CLNK: variants seen among roughly 807,000 people sequenced by gnomAD.
CLNK encodes cytokine dependent hematopoietic cell linker.
Under a neutral mutation model 68.6 loss-of-function variants are expected in CLNK, and 74 were observed. The observed-to-expected ratio is 1.08, with a 90% confidence interval of 0.89 to 1.31. The LOEUF (loss-of-function observed/expected upper bound fraction) is 1.31. Among genes scored for constraint, CLNK ranks in the 50% most tolerant of loss-of-function variants. The pLI is 0.00. For synonymous variants in CLNK, 198 were observed against 172.2 expected (o/e 1.15, Z -1.17); for missense variants, 553 against 515.3 (o/e 1.07, Z -0.71).
chr4:10,658,794 T>C (rs1724080133), intron 2 of CLNK, among the ~76,000 whole-genome samples: 1 of 152,188 alleles, frequency 6.6e-6, no homozygotes, highest in Non-Finnish European at 1.5e-5. Flanking sequence ...TGTAGGCCCA[T>C]GCAAGTTAAG....
chr4:10,633,370 G>C (rs1286102319), intron 2 of CLNK, among the ~76,000 whole-genome samples: 1 of 152,216 alleles, frequency 6.6e-6, no homozygotes. Flanking sequence ...CATCAGCTTT[G>C]TTGCGACTGA....
At chr4:10,587,111 T>C (rs908492446) in intron 3 of CLNK, among the ~76,000 whole-genome samples, 4 of 152,158 alleles carry the variant, frequency 2.6e-5, no homozygotes, top group African/African-American at 9.7e-5. Flanking sequence ...ACTACAGGCA[T>C]GCGCCACCAC....
At chr4:10,582,596 C>G (rs1356771917) in intron 4 of CLNK, among the ~76,000 whole-genome samples, 1 of 152,034 alleles carries the variant, frequency 6.6e-6, no homozygotes, top group Non-Finnish European at 1.5e-5. Flanking sequence ...TTGCACTGTT[C>G]TCTGTGTATC....
intron 15 of CLNK, among the ~76,000 whole-genome samples, chr4:10,520,544 G>A (rs145471709): frequency 1.6e-3 from 236 of 152,206 alleles, no homozygotes; most frequent in African/African-American, 5.5e-3. Context: ...TTTATACATG[G>A]GACAACATCT....
chr4:10,578,579 C>CTTTTTTTTTTTTTTTT lies in CLNK; in HGVS notation c.112+6332_112+6347dup, dbSNP rs5856062. ...TTCTCTTGGACTTGGCTTACCTTAT[C>CTTTTTTTTTTTTTTTT]TTTTTTTTTTTTTTTTTTTTTTTTT... On this transcript the variant is annotated intron_variant, in intron 4 of 18. Transcript: ENST00000226951. 4.5e-4 allele frequency among the ~76,000 whole-genome samples: 20 copies of CTTTTTTTTTTTTTTTT among 44,918 alleles called. 1 individual carries two copies. Among genetic ancestry groups the CTTTTTTTTTTTTTTTT allele is most frequent in the African/African-American group, 1.8e-3 (20 of 11,416 alleles). 29.5% of individuals were successfully genotyped at this position (44,918 alleles called of 152,430 possible). A position where few individuals can be genotyped will look rare whatever the true frequency, so the allele number is the denominator to read the frequency against.
chr4:10,717,366 C>T, the CLNK span, among the ~76,000 whole-genome samples: 3 of 152,138 alleles, frequency 2.0e-5, no homozygotes, highest in Non-Finnish European at 4.4e-5. Flanking sequence ...GAGGCCGAGG[C>T]GGACAGATCA....
the CLNK span, among the ~76,000 whole-genome samples, chr4:10,724,696 C>T: frequency 4.6e-5 from 7 of 152,220 alleles, no homozygotes; most frequent in South Asian, 2.1e-4. Flanking sequence ...ATTTATTTTA[C>T]GGCAAACACT....
chr4:10,666,905 G>T (rs746502501), intron 2 of CLNK, among the ~76,000 whole-genome samples: 1 of 152,142 alleles, frequency 6.6e-6, no homozygotes, highest in African/African-American at 2.4e-5. Flanking sequence ...GGCTGTCACA[G>T]CACCTGCTAC....
chr4:10,630,788 C>G (rs565518032), intron 2 of CLNK, among the ~76,000 whole-genome samples: 73 of 152,318 alleles, frequency 4.8e-4, no homozygotes, highest in African/African-American at 1.7e-3. Context: ...CTTACCACAG[C>G]CTGGTCACTG....
chr4:10,624,831 T>C (rs1485606923), intron 2 of CLNK, among the ~76,000 whole-genome samples: 1 of 152,126 alleles, frequency 6.6e-6, no homozygotes, highest in Non-Finnish European at 1.5e-5. Context: ...GGTGATTCTG[T>C]CCAAACTTTT....
chr4:10,607,394 T>C (rs1237724668), intron 2 of CLNK, among the ~76,000 whole-genome samples: 1 of 152,230 alleles, frequency 6.6e-6, no homozygotes, highest in Non-Finnish European at 1.5e-5. Context: ...ATCTCTCTCC[T>C]GATCTGGGTT....
At position 10,583,326 on chromosome 4, in the gene CLNK, G is replaced by T. The variant is rs139979076; in HGVS notation, c.112+1601C>A. Among the ~76,000 whole-genome samples, 971 of 151,694 alleles carry T rather than the reference G, an allele frequency of 6.4e-3. 14 individuals carry two copies. The highest frequency in any genetic ancestry group is 0.022 in the African/African-American group (918 of 41,326). Reference sequence around the variant, plus strand: ...GGAGTCTTGCTCTGTCGTCCACAGCGCCCAGGCTGGAGTGCAGTGGGGTGA... The same window carrying T: ...GGAGTCTTGCTCTGTCGTCCACAGCTCCCAGGCTGGAGTGCAGTGGGGTGA... On this transcript the variant is annotated intron_variant, in intron 4 of 18. Coordinates refer to ENST00000226951, the MANE Select transcript of CLNK (RefSeq NM_052964.4).
intron 4 of CLNK, among the ~76,000 whole-genome samples, chr4:10,576,741 T>C (rs1720581855): frequency 6.6e-6 from 1 of 152,206 alleles, no homozygotes. Context: ...AGCAAACCAA[T>C]TGAATCAGTC....
chr4:10,556,615 T>C (rs908004436), intron 8 of CLNK, among the ~76,000 whole-genome samples: 1 of 152,230 alleles, frequency 6.6e-6, no homozygotes, highest in Admixed American at 6.5e-5. Context: ...ACTCATTTCT[T>C]CATGAGTGCC....
the CLNK span, among the ~76,000 whole-genome samples, chr4:10,695,921 T>A: frequency 3.9e-5 from 6 of 151,950 alleles, no homozygotes; most frequent in African/African-American, 1.2e-4. Flanking sequence ...ACTGGTGTGA[T>A]CTTTGCTCAC....
chr4:10,527,133 A>G (rs1431871466), intron 13 of CLNK, among the ~76,000 whole-genome samples: 1 of 152,188 alleles, frequency 6.6e-6, no homozygotes, highest in African/African-American at 2.4e-5. Flanking sequence ...GCCCCTCTTG[A>G]GCTGAACAAT....
intron 4 of CLNK, among the ~76,000 whole-genome samples, chr4:10,583,254 G>C (rs1212987993): frequency 6.6e-6 from 1 of 151,940 alleles, no homozygotes; most frequent in Non-Finnish European, 1.5e-5. Flanking sequence ...AGGTCTGCTG[G>C]GCTGTTATTT....
chr4:10,615,687 G>T (rs1405719771), intron 2 of CLNK, among the ~76,000 whole-genome samples: 1 of 152,238 alleles, frequency 6.6e-6, no homozygotes, highest in Non-Finnish European at 1.5e-5. Flanking sequence ...ATGCTGTCTT[G>T]TCATAGTCCT....
the CLNK span, among the ~76,000 whole-genome samples, chr4:10,690,453 A>G: frequency 6.6e-6 from 1 of 152,148 alleles, no homozygotes; most frequent in African/African-American, 2.4e-5. Context: ...ATGTGAATGT[A>G]GAAAGAGCTG....
Sources: gnomAD v4.1 joint callset for allele counts (sites outside exome capture counted in the v4.1 genomes callset) on GRCh38, gnomAD v4.1.1 for gene constraint, MANE v1.5 for transcripts, NCBI Gene and HGNC (gene_info 2026-07-23, HGNC 2026-07-21) for gene names.